The following KCNMB2 variants were observed in gnomAD, a reference collection of about 807,000 sequenced individuals.
The protein encoded by KCNMB2 is calcium-activated potassium channel subunit beta-2.
Under a neutral mutation model 24.5 loss-of-function variants are expected in KCNMB2, and 9 were observed. The ratio of observed to expected loss-of-function variants is 0.37; its 90% CI spans 0.22 to 0.64. The LOEUF is 0.64. Among genes scored for constraint, KCNMB2 ranks in the 30% least tolerant of loss-of-function variants. KCNMB2 has a pLI of 0.63. For synonymous variants in KCNMB2, 109 were observed against 104.4 expected, an observed-to-expected ratio of 1.04 and a Z score of -0.27; for missense variants, 226 against 284.3, an observed-to-expected ratio of 0.79 and a Z score of 1.47.
chr3:178,656,758 C>T (rs752137337), intron 1 of KCNMB2, among the ~76,000 whole-genome samples: 8 of 152,142 alleles, frequency 5.3e-5, no homozygotes, highest in East Asian at 1.9e-4. Flanking sequence ...ATCAACAAAA[C>T]GAGACTCTGT....
At chr3:178,669,464 C>T (rs902840841) in intron 1 of KCNMB2, among the ~76,000 whole-genome samples, 10 of 152,118 alleles carry the variant, frequency 6.6e-5, no homozygotes, top group African/African-American at 2.2e-4. Flanking sequence ...GGCCTAGGGA[C>T]GTCCTGGGCA....
At chr3:178,537,065 G>T (rs1044026025) in intron 1 of KCNMB2, among the ~76,000 whole-genome samples, 2 of 152,132 alleles carry the variant, frequency 1.3e-5, no homozygotes, top group Non-Finnish European at 2.9e-5. Context: ...ACTTTGGTGG[G>T]TGGAAGGCAT....
intron 4 of KCNMB2, among the ~76,000 whole-genome samples, chr3:178,835,905 T>C (rs1715211310): frequency 6.6e-6 from 1 of 152,208 alleles, no homozygotes; most frequent in South Asian, 2.1e-4. Flanking sequence ...TTCTATATTG[T>C]TTATGTTTTT....
At chr3:178,689,641 A>G (rs1374106015) in intron 1 of KCNMB2, among the ~76,000 whole-genome samples, 1 of 152,212 alleles carries the variant, frequency 6.6e-6, no homozygotes, top group African/African-American at 2.4e-5. Context: ...GTCTCAAAAT[A>G]AAGAGAAGTT....
At chr3:178,607,556 C>T (rs971962637) in intron 1 of KCNMB2, among the ~76,000 whole-genome samples, 2 of 151,852 alleles carry the variant, frequency 1.3e-5, no homozygotes, top group African/African-American at 4.8e-5. Context: ...TACAGGATTG[C>T]CAAGGTAGTG....
intron 1 of KCNMB2, among the ~76,000 whole-genome samples, chr3:178,633,114 A>G (rs967250249): frequency 2.6e-5 from 4 of 152,146 alleles, no homozygotes; most frequent in African/African-American, 9.7e-5. Context: ...TTTGCAGGGT[A>G]CAGCCCCCCC....
At chr3:178,586,782 T>G (rs1304973202) in intron 1 of KCNMB2, among the ~76,000 whole-genome samples, 1 of 152,036 alleles carries the variant, frequency 6.6e-6, no homozygotes, top group East Asian at 1.9e-4. Flanking sequence ...TGACCTCGGG[T>G]GATCTGCCCG....
intron 1 of KCNMB2, among the ~76,000 whole-genome samples, chr3:178,573,339 T>C (rs557113338): frequency 6.6e-6 from 1 of 152,216 alleles, no homozygotes; most frequent in Admixed American, 6.5e-5. Flanking sequence ...CTCCAAAAGT[T>C]TATGAATTAA....
chr3:178,666,968 C>A (rs1720740589), intron 1 of KCNMB2, among the ~76,000 whole-genome samples: 1 of 152,060 alleles, frequency 6.6e-6, no homozygotes, highest in South Asian at 2.1e-4. Context: ...CAAGTTTTCC[C>A]AGATATTTTA....
chr3:178,745,775 T>G lies in KCNMB2; in HGVS notation c.-67-61568T>G, dbSNP rs565722650. On this transcript the variant is annotated intron_variant, in intron 1 of 4. Coordinates refer to ENST00000452583, the MANE Select transcript of KCNMB2 (RefSeq NM_181361.3). ...CAAAACAAAGGGGCTACAGGCCCCA[T>G]GCAAGTCTGAAATCCAGCAGGGCAA... Among the ~76,000 whole-genome samples the G allele has an allele frequency of 2.6e-5, 4 of 152,320 alleles. No individual in the cohort carries two copies. In the South Asian group the frequency reaches 8.3e-4, roughly 32 times the overall value.
At chr3:178,663,277 A>C (rs919169953) in intron 1 of KCNMB2, among the ~76,000 whole-genome samples, 1 of 152,102 alleles carries the variant, frequency 6.6e-6, no homozygotes, top group Non-Finnish European at 1.5e-5. Flanking sequence ...AGAGCTCAAC[A>C]AGGGTATACA....
intron 1 of KCNMB2, among the ~76,000 whole-genome samples, chr3:178,789,678 C>T (rs566693027): frequency 1.3e-5 from 2 of 152,172 alleles, no homozygotes; most frequent in East Asian, 3.9e-4. Context: ...GGGGGCAGAA[C>T]CCAGCTGGCA....
intron 1 of KCNMB2, among the ~76,000 whole-genome samples, chr3:178,787,458 A>T (rs1002202693): frequency 6.6e-5 from 10 of 152,172 alleles, no homozygotes; most frequent in South Asian, 2.1e-4. Context: ...AACCTTCACA[A>T]GAACTTTATG....
chr3:178,725,089 G>A (rs780330477), intron 1 of KCNMB2, among the ~76,000 whole-genome samples: 11 of 152,064 alleles, frequency 7.2e-5, no homozygotes, highest in South Asian at 4.1e-4. Flanking sequence ...TATTGAATCT[G>A]TATATTGCTT....
chr3:178,668,574 T>C (rs1483890397), intron 1 of KCNMB2, among the ~76,000 whole-genome samples: 1 of 152,084 alleles, frequency 6.6e-6, no homozygotes, highest in African/African-American at 2.4e-5. Context: ...TGGAAGCTCT[T>C]TAAAGTCATG....
chr3:178,834,644 T>TA (rs549335249), intron 4 of KCNMB2, among the ~76,000 whole-genome samples: 15 of 150,696 alleles, frequency 1.0e-4, no homozygotes, highest in East Asian at 7.8e-4. Context: ...TGAAAGGGGC[T>TA]AAAAAAAAAG....
At chr3:178,782,113 C>T (rs1460371578) in intron 1 of KCNMB2, among the ~76,000 whole-genome samples, 9 of 116,986 alleles carry the variant, frequency 7.7e-5, no homozygotes, top group Non-Finnish European at 1.4e-4. Context: ...CTACAAAGGA[C>T]GTGAACTCAT....
At chr3:178,802,393 C>T (rs185929702) in intron 1 of KCNMB2, among the ~76,000 whole-genome samples, 7 of 152,258 alleles carry the variant, frequency 4.6e-5, no homozygotes, top group African/African-American at 1.2e-4. Flanking sequence ...GCCACTGACA[C>T]TAGAAAACTG....
At chr3:178,715,435 G>A (rs754934936) in intron 1 of KCNMB2, among the ~76,000 whole-genome samples, 1 of 149,046 alleles carries the variant, frequency 6.7e-6, no homozygotes, top group African/African-American at 2.5e-5. Context: ...TTCCTTCTGT[G>A]GGCTCAAATG....
Sources: allele counts gnomAD v4.1 joint callset (sites outside exome capture counted in the v4.1 genomes callset), GRCh38; gene constraint gnomAD v4.1.1; transcripts MANE v1.5; gene names NCBI Gene and HGNC (gene_info 2026-07-23, HGNC 2026-07-21).